Variants in ACTR10 observed in about 807,000 individuals in gnomAD.
ACTR10 encodes the protein actin related protein 10.
A neutral mutation model predicts 56.2 loss-of-function variants in ACTR10; 43 were observed. The ratio of observed to expected loss-of-function variants is 0.77; its 90% CI spans 0.60 to 0.99. The LOEUF is 0.99. ACTR10 is among the 50% of genes least tolerant of loss of function. The probability of loss-of-function intolerance (pLI) is 0.00; values close to 1 mark genes in which losing one functional copy is unlikely to be tolerated. For missense variants in ACTR10, 466 were observed against 507.8 expected (o/e 0.92, Z 0.79); for synonymous variants, 170 against 176.3 (o/e 0.96, Z 0.28).
chr14:58,219,074 C>A (rs940198333), intron 7 of ACTR10, among the ~76,000 whole-genome samples: 1 of 152,154 alleles, frequency 6.6e-6, no homozygotes, highest in African/African-American at 2.4e-5. Flanking sequence ...CCCACCTTGG[C>A]CTTCCATAGC....
At chr14:58,206,606 A>T (rs1888869556) in intron 2 of ACTR10, among the ~76,000 whole-genome samples, 1 of 152,224 alleles carries the variant, frequency 6.6e-6, no homozygotes, top group African/African-American at 2.4e-5. Context: ...ACTTCTTTTG[A>T]AAGAGTAAAT....
intron 2 of ACTR10, among the ~76,000 whole-genome samples, chr14:58,206,775 C>T (rs1389508954): frequency 6.6e-6 from 1 of 152,140 alleles, no homozygotes; most frequent in Non-Finnish European, 1.5e-5. Flanking sequence ...ATTTTTATCA[C>T]ACATATTTAT....
At chr14:58,208,552 C>T (rs1235194849) in intron 3 of ACTR10, among the ~76,000 whole-genome samples, 8 of 151,046 alleles carry the variant, frequency 5.3e-5, no homozygotes, top group African/African-American at 2.0e-4. Context: ...ACTATTGTAA[C>T]CTAAAAAAAA....
At chr14:58,208,086 G>C (rs1189540357) in intron 3 of ACTR10, 68 bp downstream of exon 3, 1 of 1,373,616 alleles carries the variant, frequency 7.3e-7, no homozygotes, top group Non-Finnish European at 9.5e-7. Flanking sequence ...GTGATAATTG[G>C]TTGTGTTACA....
intron 10 of ACTR10, among the ~76,000 whole-genome samples, chr14:58,227,712 G>T (rs1321881225): frequency 6.6e-6 from 1 of 152,202 alleles, no homozygotes; most frequent in Non-Finnish European, 1.5e-5. Flanking sequence ...TAGTGGTGAA[G>T]TGGAAAAAAT....
intron 10 of ACTR10, among the ~76,000 whole-genome samples, chr14:58,225,461 A>T (rs2140060134): frequency 6.6e-6 from 1 of 152,300 alleles, no homozygotes; most frequent in East Asian, 1.9e-4. Flanking sequence ...GTTTTGAGTA[A>T]TGTAGAACTT....
intron 5 of ACTR10, among the ~76,000 whole-genome samples, chr14:58,212,300 A>G (rs931290512): frequency 6.6e-6 from 1 of 152,222 alleles, no homozygotes; most frequent in African/African-American, 2.4e-5. Context: ...GAACTTACTA[A>G]TAATTCAAGC....
At chr14:58,200,854 G>T (rs1888688376) in intron 1 of ACTR10, among the ~76,000 whole-genome samples, 1 of 152,184 alleles carries the variant, frequency 6.6e-6, no homozygotes, top group Non-Finnish European at 1.5e-5. Context: ...GATTTGACAT[G>T]TTTTAAACAA....
chr14:58,212,705 C>G (rs1272457885), intron 5 of ACTR10, among the ~76,000 whole-genome samples: 1 of 152,102 alleles, frequency 6.6e-6, no homozygotes, highest in Non-Finnish European at 1.5e-5. Flanking sequence ...GATATAAACC[C>G]ATGTTTGTTT....
At chr14:58,202,124 A>T (rs960036441) in intron 1 of ACTR10, among the ~76,000 whole-genome samples, 1 of 152,174 alleles carries the variant, frequency 6.6e-6, no homozygotes, top group Non-Finnish European at 1.5e-5. Context: ...ATGCATAATC[A>T]TAAGAAGTAG....
At chr14:58,225,830 A>C (rs1011681315) in intron 10 of ACTR10, among the ~76,000 whole-genome samples, 1 of 151,732 alleles carries the variant, frequency 6.6e-6, no homozygotes, top group Non-Finnish European at 1.5e-5. Context: ...CTCATGCCTC[A>C]ACCTCCCAAG....
chr14:58,208,976 A>C, intron 3 of ACTR10, 23 bp from the exon 4 acceptor site: 2 of 1,554,068 alleles, frequency 1.3e-6, no homozygotes, highest in Non-Finnish European at 8.8e-7. Context: ...TTTACTTTTA[A>C]AACCAAAACT....
chr14:58,234,285 C>T (rs1889615840), intron 12 of ACTR10, 85 bp from the exon 13 acceptor site: 1 of 1,184,568 alleles, frequency 8.4e-7, no homozygotes, highest in Non-Finnish European at 1.2e-6. Flanking sequence ...CCACTTTTGT[C>T]ATATAGTGAA....
chr14:58,213,877 T>G (rs552855506), intron 6 of ACTR10, among the ~76,000 whole-genome samples, 179 bp downstream of exon 6: 88 of 152,342 alleles, frequency 5.8e-4, no homozygotes, highest in South Asian at 1.0e-3. Context: ...TTTTTAAATT[T>G]TTAATTTTTG....
intron 2 of ACTR10, among the ~76,000 whole-genome samples, chr14:58,206,886 G>A (rs1355223453): frequency 6.6e-6 from 1 of 152,186 alleles, no homozygotes; most frequent in East Asian, 1.9e-4. Flanking sequence ...TAATCTAGCA[G>A]AAAGGGGGAC....
In ACTR10 at chr14:58,202,855, G is replaced by T. The variant is rs1425001180; in HGVS notation, c.78G>T (p.Lys26Asn). ...GTTTCAATTTTCCATTTATTTGCAGGTGTGGATTTGCTGGAGAAACTGGTC... is the reference window on the plus strand; with the variant it reads ...GTTTCAATTTTCCATTTATTTGCAGTTGTGGATTTGCTGGAGAAACTGGTC... ...VVIDLGEAFT[K>N]CGFAGETGPR... The change falls in exon 2 of 13, where the codon AAG becomes AAT. Residue 26 changes from lysine to asparagine, a missense_variant and splice_region_variant. Transcript: ENST00000254286. The T allele has an allele frequency of 1.3e-6, 2 of 1,597,306 alleles. No individual in the cohort carries two copies. Among genetic ancestry groups the T allele is most frequent in the Non-Finnish European group, 8.5e-7 (1 of 1,169,596 alleles).
In ACTR10 at chr14:58,232,260, G is replaced by T; in HGVS notation, c.1065G>T (p.Trp355Cys). Reference sequence around the variant, plus strand: ...CTGCAAAAGCTAATTGTGTGGCCTGGTTGGGAGGTAAGAATTTCACTTTTA... The same window carrying T: ...CTGCAAAAGCTAATTGTGTGGCCTGTTTGGGAGGTAAGAATTTCACTTTTA... ...TPPAKANCVA[W>C]LGGAIFGALQ... The change falls in exon 12 of 13, where the codon TGG becomes TGT. Residue 355 changes from tryptophan to cysteine, a missense_variant. By Grantham distance (215) the Trp-to-Cys change is radical (BLOSUM62 -2). Coordinates refer to ENST00000254286, the MANE Select transcript of ACTR10 (RefSeq NM_018477.3). 3 of 1,611,496 alleles carry T rather than the reference G, an allele frequency of 1.9e-6. No homozygotes were observed. The highest frequency in any genetic ancestry group is 1.1e-5 in the South Asian group (1 of 90,526).
In ACTR10 at chr14:58,234,502, G is replaced by A. The variant is rs1258460353; in HGVS notation, c.1205G>A (p.Gly402Glu). The A allele has an allele frequency of 1.9e-6, 3 of 1,613,360 alleles. No individual in the cohort carries two copies. Among genetic ancestry groups the A allele is most frequent in the Non-Finnish European group, 1.7e-6 (2 of 1,179,654 alleles). Residue 402 changes from glycine (G) to glutamate (E), a missense_variant, in exon 13 of 13, where the codon GGG (glycine) becomes GAG (glutamate). Coordinates refer to ENST00000254286, the MANE Select transcript of ACTR10 (RefSeq NM_018477.3). ...NPPLEMMFDVGKTQPPLMKRA... is the reference protein window; with the variant it reads ...NPPLEMMFDVEKTQPPLMKRA... ...CCTTTGGAAATGATGTTTGATGTCG[G>A]GAAAACTCAACCACCTCTGATGAAG...
At chr14:58,228,653 A>T (rs188300442) in intron 10 of ACTR10, among the ~76,000 whole-genome samples, 2 of 130,010 alleles carry the variant, frequency 1.5e-5, no homozygotes, top group East Asian at 4.7e-4. Context: ...ATTGACTGGT[A>T]CTTAACTACA....
Sources: gnomAD v4.1 joint callset for allele counts (sites outside exome capture counted in the v4.1 genomes callset) on GRCh38, gnomAD v4.1.1 for gene constraint, MANE v1.5 for transcripts, NCBI Gene and HGNC (gene_info 2026-07-23, HGNC 2026-07-21) for gene names.